Variants in FGFR2 observed in about 807,000 individuals in gnomAD.
The protein encoded by FGFR2 is fibroblast growth factor receptor 2.
In FGFR2, 19 loss-of-function variants were observed where a neutral mutation model predicts 95.9. That is an observed-to-expected ratio of 0.20 (90% CI 0.14 to 0.29). The LOEUF (loss-of-function observed/expected upper bound fraction) is 0.29. Ranked by LOEUF, FGFR2 falls within the 10% of genes least tolerant of loss-of-function variation. The probability of loss-of-function intolerance (pLI) is 1.00; values close to 1 mark genes in which losing one functional copy is unlikely to be tolerated. For synonymous variants in FGFR2, 392 were observed against 393.3 expected (o/e 1.00, Z 0.04); for missense variants, 707 against 1,056.9 (o/e 0.67, Z 4.59).
chr10:121,503,107 T>G (rs1847810278), intron 10 of FGFR2, among the ~76,000 whole-genome samples: 1 of 152,240 alleles, frequency 6.6e-6, no homozygotes, highest in Non-Finnish European at 1.5e-5. Flanking sequence ...CACCCGAGGT[T>G]GCCCAGCCAC....
chr10:121,519,933 A>C, intron 7 of FGFR2, 46 bp downstream of exon 7: 1 of 1,594,692 alleles, frequency 6.3e-7, no homozygotes, highest in Non-Finnish European at 8.6e-7. Flanking sequence ...CAAACCCATG[A>C]AGGAGACCCC....
intron 9 of FGFR2, among the ~76,000 whole-genome samples, chr10:121,506,575 G>A (rs1564894107): frequency 6.6e-6 from 1 of 152,084 alleles, no homozygotes; most frequent in Non-Finnish European, 1.5e-5. Context: ...CCGCAGTCCT[G>A]GATGACGTTA....
chr10:121,484,148 C>CT lies in FGFR2; in HGVS notation c.2196-346dup, dbSNP rs4647920. 0.032 allele frequency among the ~76,000 whole-genome samples: 4,945 copies of CT among 152,220 alleles called. 111 individuals carry two copies. Among genetic ancestry groups the CT allele is most frequent in the African/African-American group, 0.055 (2,282 of 41,514 alleles). The stretch of plus-strand genomic sequence containing the variant: ...GAAGGAAAATGCGTATTTCCATGGG[C>CT]TGGTCTCCAGTCTTCCCTCCCCTGA... On this transcript the variant is annotated intron_variant, in intron 16 of 17. Coordinates refer to ENST00000358487, the MANE Select transcript of FGFR2 (RefSeq NM_000141.5).
chr10:121,538,166 C>G, intron 6 of FGFR2: 1 of 595,326 alleles, frequency 1.7e-6, no homozygotes, highest in Non-Finnish European at 3.0e-6. Context: ...GCCACAGGCT[C>G]AGTCCTCAGA....
rs746061122 is a variant in FGFR2, at chr10:121,508,856, T to G, written c.1288-4915A>C. Among the ~76,000 whole-genome samples, 83 of 152,384 alleles carry G rather than the reference T, an allele frequency of 5.4e-4. 1 individual carries two copies. Among genetic ancestry groups the G allele is most frequent in the East Asian group, 7.7e-4 (4 of 5,184 alleles). On this transcript the variant is annotated intron_variant, in intron 9 of 17. Transcript: ENST00000358487. Reference sequence around the variant, plus strand: ...TATCTTAATTTTACCTCCATGCATTTTTACTATGCTTTTAAAATCCCCTCT... The same window carrying G: ...TATCTTAATTTTACCTCCATGCATTGTTACTATGCTTTTAAAATCCCCTCT...
chr10:121,510,293 C>T (rs151097901), intron 9 of FGFR2, among the ~76,000 whole-genome samples: 1 of 152,126 alleles, frequency 6.6e-6, no homozygotes, highest in Non-Finnish European at 1.5e-5. Context: ...TGGCTCTGCT[C>T]GAGAGATCGC....
rs771218136 is a variant in FGFR2, at chr10:121,551,332, G to A, written c.582C>T (p.Asn194=). 23 of 1,614,072 alleles carry A rather than the reference G, an allele frequency of 1.4e-5. No homozygotes were observed. The highest frequency in any genetic ancestry group is 4.5e-5 in the East Asian group (2 of 44,892). Residue 194 remains asparagine (N), a synonymous_variant, in exon 5 of 18, where the codon AAC becomes AAT. Coordinates refer to ENST00000358487, the MANE Select transcript of FGFR2 (RefSeq NM_000141.5). ...GATGCTCCTGCTTAAACTCCTTCCC[G>A]TTTTTCAGCCACCGCATGGTTGGCA... ...NPMPTMRWLK[N]GKEFKQEHRI...
intron 6 of FGFR2, among the ~76,000 whole-genome samples, chr10:121,522,726 C>T (rs1298559231): frequency 1.3e-5 from 2 of 152,208 alleles, no homozygotes; most frequent in African/African-American, 4.8e-5. Flanking sequence ...TCAAAAGCCA[C>T]ACAAAACACA....
chr10:121,490,227 G>A (rs377200667), intron 13 of FGFR2, among the ~76,000 whole-genome samples: 2 of 129,234 alleles, frequency 1.5e-5, no homozygotes, highest in East Asian at 2.6e-4. Flanking sequence ...GCAGTGGCAC[G>A]ATCTTGGCTC....
At chr10:121,561,181 T>C (rs1302285865) in intron 4 of FGFR2, among the ~76,000 whole-genome samples, 6 of 152,078 alleles carry the variant, frequency 3.9e-5, no homozygotes, top group Non-Finnish European at 8.8e-5. Context: ...TCCCAGCACT[T>C]TGGGAGGCCG....
At chr10:121,588,538 T>TA (rs1372870922) in intron 2 of FGFR2, among the ~76,000 whole-genome samples, 10 of 151,822 alleles carry the variant, frequency 6.6e-5, no homozygotes, top group Admixed American at 1.3e-4. Flanking sequence ...CTAGGAAAGC[T>TA]AAAAAAAGTA....
At chr10:121,560,233 T>C (rs984476290) in intron 4 of FGFR2, among the ~76,000 whole-genome samples, 3 of 152,150 alleles carry the variant, frequency 2.0e-5, no homozygotes, top group South Asian at 2.1e-4. Context: ...ATTGGTGGCA[T>C]GGACGGAACC....
At position 121,487,434 on chromosome 10, in the gene FGFR2, T is replaced by C. The variant is rs2133825752; in HGVS notation, c.1987-10A>G. The C allele has an allele frequency of 1.2e-6, 2 of 1,612,710 alleles. No individual in the cohort carries two copies. The highest frequency in any genetic ancestry group is 8.5e-7 in the Non-Finnish European group (1 of 1,178,866). On this transcript the variant is annotated splice_polypyrimidine_tract_variant and intron_variant, in intron 14 of 17. Coordinates refer to ENST00000358487, the MANE Select transcript of FGFR2 (RefSeq NM_000141.5). Reference sequence around the variant, plus strand: ...TGACTGGAAGCCGCCCCTGCAAATGTAGAGGAAAATGCAAAAACTAAATAT... The same window carrying C: ...TGACTGGAAGCCGCCCCTGCAAATGCAGAGGAAAATGCAAAAACTAAATAT...
At chr10:121,482,794 T>C (rs1428255010) in intron 17 of FGFR2, among the ~76,000 whole-genome samples, 2 of 152,340 alleles carry the variant, frequency 1.3e-5, no homozygotes, top group African/African-American at 4.8e-5. Flanking sequence ...GCAAGGATCA[T>C]AAATTATTAT....
chr10:121,570,419 C>A (rs1408558853), intron 2 of FGFR2, among the ~76,000 whole-genome samples: 2 of 152,210 alleles, frequency 1.3e-5, no homozygotes, highest in Admixed American at 1.3e-4. Context: ...TCTGGTCACC[C>A]CCCATGGATG....
chr10:121,480,590 G>A (rs1306027488), intron 17 of FGFR2: 3 of 219,936 alleles, frequency 1.4e-5, no homozygotes, highest in Non-Finnish European at 2.8e-5. Context: ...TCATTCAGTG[G>A]GTAATTTAAC....
chr10:121,524,120 AC>A (rs1850963485), intron 6 of FGFR2, among the ~76,000 whole-genome samples: 1 of 147,666 alleles, frequency 6.8e-6, no homozygotes, highest in African/African-American at 2.5e-5. Context: ...ACACACACAC[AC>A]ACACACACAC....
intron 2 of FGFR2, among the ~76,000 whole-genome samples, chr10:121,574,846 T>C (rs1161267666): frequency 2.6e-5 from 4 of 152,160 alleles, no homozygotes. Context: ...ACTGCCAACA[T>C]AAAAACGGAG....
intron 10 of FGFR2, among the ~76,000 whole-genome samples, chr10:121,502,540 A>C (rs765918292): frequency 2.6e-5 from 4 of 152,244 alleles, no homozygotes; most frequent in Non-Finnish European, 5.9e-5. Flanking sequence ...CACGTGAATC[A>C]AAATCAGAAG....
Sources: allele counts gnomAD v4.1 joint callset (sites outside exome capture counted in the v4.1 genomes callset), GRCh38; gene constraint gnomAD v4.1.1; transcripts MANE v1.5; gene names NCBI Gene and HGNC (gene_info 2026-07-23, HGNC 2026-07-21).